The following TTBK1 variants were observed in gnomAD, a reference collection of about 807,000 sequenced individuals.
The protein encoded by TTBK1 is tau tubulin kinase 1.
TTBK1 carries 34 observed loss-of-function variants against 108.5 expected under a neutral mutation model. That is an observed-to-expected ratio of 0.31 (90% CI 0.24 to 0.42). The LOEUF (loss-of-function observed/expected upper bound fraction) is 0.42. Among genes scored for constraint, TTBK1 ranks in the 10% least tolerant of loss-of-function variants. The pLI, the probability that TTBK1 is intolerant of heterozygous loss-of-function variation, is 1.00. For synonymous variants in TTBK1, 809 were observed against 795.1 expected, an observed-to-expected ratio of 1.02 and a Z score of -0.29; for missense variants, 1,539 against 1,826.0, an observed-to-expected ratio of 0.84 and a Z score of 2.86.
chr6:43,272,449 G>A (rs1365471113), intron 13 of TTBK1: 2 of 985,310 alleles, frequency 2.0e-6, no homozygotes, highest in Non-Finnish European at 2.4e-6. Flanking sequence ...CATTGAGAAG[G>A]CGGCTGAGTT....
At position 43,257,868 on chromosome 6, in the gene TTBK1, G is replaced by A; in HGVS notation, c.918G>A (p.Glu306=). ...SMKERGIAEN[E]AFDWEKAGTD... is the part of the protein sequence containing the mutation. ...AGGAGAGGGGCATTGCCGAGAATGA[G>A]GCCTTTGACTGGGAGAAGGCAGGCA... The change falls in exon 10 of 15, where the codon GAG becomes GAA. Residue 306 remains glutamate (E), a synonymous_variant. Coordinates refer to ENST00000259750, the MANE Select transcript of TTBK1 (RefSeq NM_032538.3). The surrounding 1 kb of genome is among the most constrained non-coding windows in gnomAD (Gnocchi z 4.5). 2 of 1,614,054 alleles carry A rather than the reference G, an allele frequency of 1.2e-6. No homozygotes were observed. The highest frequency in any genetic ancestry group is 8.5e-7 in the Non-Finnish European group (1 of 1,180,016).
rs117976886 is a variant in TTBK1 at position 43,249,956 on chromosome 6, G to C, written c.109-2783G>C. Reference sequence around the variant, plus strand: ...CGGGGCCTAGTCACTGTGTCTCATGGATAAGTCAGCCCTAGCTGTGGTGCA... The same window carrying C: ...CGGGGCCTAGTCACTGTGTCTCATGCATAAGTCAGCCCTAGCTGTGGTGCA... On this transcript the variant is annotated intron_variant, in intron 2 of 14. Transcript: ENST00000259750. 6.7e-4 allele frequency among the ~76,000 whole-genome samples: 101 copies of C among 150,502 alleles called. 1 individual carries two copies. In the East Asian group the frequency reaches 0.016, roughly 24 times the overall value.
chr6:43,267,902 T>A (rs1017380537), intron 13 of TTBK1, among the ~76,000 whole-genome samples: 9 of 152,116 alleles, frequency 5.9e-5, no homozygotes, highest in Admixed American at 5.2e-4. Context: ...GGGACAAAGA[T>A]GAATAAAGCT....
chr6:43,268,259 C>T (rs1350099198), intron 13 of TTBK1, among the ~76,000 whole-genome samples: 1 of 152,176 alleles, frequency 6.6e-6, no homozygotes, highest in African/African-American at 2.4e-5. Context: ...GGGCTTTGGG[C>T]AATGGTGGTG....
intron 12 of TTBK1, among the ~76,000 whole-genome samples, chr6:43,262,481 G>A (rs973121817): frequency 6.6e-6 from 1 of 152,200 alleles, no homozygotes; most frequent in African/African-American, 2.4e-5. Context: ...AGGAGAGAGC[G>A]TTCCTTGCAC....
rs572094719 is a variant in TTBK1, at chr6:43,276,484, G to C, written c.1987-6243G>C. ...ACGCACACGCGCGGCGCCGCCACGG[G>C]GGTGGGACACGGACACGCACCCACG... On this transcript the variant is annotated intron_variant, in intron 13 of 14. Transcript: ENST00000259750. The surrounding 1 kb of genome is among the most constrained non-coding windows in gnomAD (Gnocchi z 5.4). Among the ~76,000 whole-genome samples, 11 of 152,266 alleles carry C rather than the reference G, an allele frequency of 7.2e-5. No individual in the cohort carries two copies. The South Asian group carries it at 2.1e-3, about 29-fold the overall frequency.
At chr6:43,252,287 T>C (rs1389402249) in intron 2 of TTBK1, among the ~76,000 whole-genome samples, 2 of 148,822 alleles carry the variant, frequency 1.3e-5, no homozygotes, top group Non-Finnish European at 3.0e-5. Context: ...GGGGTGCTGA[T>C]GGGGTGGGGC....
Position 43,257,420 on chromosome 6 carries a change from G to T in TTBK1, c.862-392G>T, listed in dbSNP as rs112639716. On this transcript the variant is annotated intron_variant, in intron 9 of 14. Transcript: ENST00000259750. This position sits in a 1 kb window ranked among gnomAD's most constrained non-coding sequence, Gnocchi z 4.5. The stretch of plus-strand genomic sequence containing the variant: ...AAGAGAAGGGAAGCTGCAGAGAGGA[G>T]AGGATGAGTGGGAGGGGCGCCCCAG... 6.6e-4 allele frequency among the ~76,000 whole-genome samples: 101 copies of T among 152,314 alleles called. 1 individual carries two copies. Among genetic ancestry groups the T allele is most frequent in the Middle Eastern group, 3.4e-3 (1 of 294 alleles).
At chr6:43,254,968 A>G in intron 6 of TTBK1, 81 bp from the exon 7 acceptor site, 1 of 1,374,214 alleles carries the variant, frequency 7.3e-7, no homozygotes, top group Non-Finnish European at 1.0e-6. Context: ...CAGGGTGAAG[A>G]GTTAGACTTG....
intron 2 of TTBK1, among the ~76,000 whole-genome samples, chr6:43,248,411 C>T (rs756613754): frequency 6.6e-5 from 10 of 152,066 alleles, no homozygotes; most frequent in Non-Finnish European, 1.5e-4. Flanking sequence ...GTCAGTGGCA[C>T]TAGATGTGGC....
At position 43,284,085 on chromosome 6, in the gene TTBK1, GGAGCAGCGCCGTGCCTCTGAGA is replaced by G; in HGVS notation, c.3346_3367del (p.Glu1116ProfsTer260). The G allele has an allele frequency of 6.5e-7, 1 of 1,538,946 alleles. No individual in the cohort carries two copies. Among genetic ancestry groups the G allele is most frequent in the South Asian group, 1.2e-5 (1 of 84,624 alleles). ...CAGGGGCCTCGTCCTCCTCCAGTGAGGAGCAGCGCCGTGCCTCTGAGACCCTCTCAGGCACGGGCTCTGAGGA... is the reference window on the plus strand; with the variant it reads ...CAGGGGCCTCGTCCTCCTCCAGTGAGCCCTCTCAGGCACGGGCTCTGAGGA... On this transcript the variant is annotated frameshift_variant, in exon 14 of 15. Transcript: ENST00000259750. LOFTEE classifies it high-confidence loss of function.
At chr6:43,277,170 G>A (rs1046778411) in intron 13 of TTBK1, among the ~76,000 whole-genome samples, 21 of 152,286 alleles carry the variant, frequency 1.4e-4, no homozygotes, top group Non-Finnish European at 2.2e-4. Flanking sequence ...CCTCTGCTAC[G>A]ATGGGCAATC....
chr6:43,266,492 G>A lies in TTBK1; in HGVS notation c.1986+3142G>A, dbSNP rs148528924. Among the ~76,000 whole-genome samples, 958 of 152,326 alleles carry A rather than the reference G, an allele frequency of 6.3e-3. 6 individuals are homozygous for A. The highest frequency in any genetic ancestry group is 0.021 in the African/African-American group (879 of 41,582). On this transcript the variant is annotated intron_variant, in intron 13 of 14. Transcript: ENST00000259750. ...TTAAAAGTAAGAAAACTAAGACTCA[G>A]AGAAGCAAAGTTTTTAGCTCAGCTG...
rs1778343928 is a variant in TTBK1, at chr6:43,285,322, C to T, written c.3912C>T (p.Arg1304=). 4 of 1,293,550 alleles carry T rather than the reference C, an allele frequency of 3.1e-6. No homozygotes were observed. Among genetic ancestry groups the T allele is most frequent in the Non-Finnish European group, 3.9e-6 (4 of 1,026,040 alleles). 80.1% of individuals were successfully genotyped at this position (1,293,550 alleles called of 1,614,324 possible). ...CCAGAGGGAAACTCCAGGCTCAGCG[C>T]GCAACAACCAAAGGCCGGGCAGGAG... ...KGPRGKLQAQ[R]ATTKGRAGGA... Residue 1304 remains arginine, a synonymous_variant, in exon 15 of 15, where the codon CGC becomes CGT. Coordinates refer to ENST00000259750, the MANE Select transcript of TTBK1 (RefSeq NM_032538.3). This position sits in a 1 kb window ranked among gnomAD's most constrained non-coding sequence, Gnocchi z 4.7.
At position 43,259,782 on chromosome 6, in the gene TTBK1, T is replaced by C; in HGVS notation, c.1424+76T>C. 7.1e-7 allele frequency: 1 copy of C among 1,404,526 alleles called. No homozygotes were observed. Among genetic ancestry groups the C allele is most frequent in the Non-Finnish European group, 9.5e-7 (1 of 1,057,238 alleles). 87.0% of individuals were successfully genotyped at this position (1,404,526 alleles called of 1,614,324 possible). On this transcript the variant is annotated intron_variant, in intron 12 of 14. Coordinates refer to ENST00000259750, the MANE Select transcript of TTBK1 (RefSeq NM_032538.3). The surrounding 1 kb of genome is among the most constrained non-coding windows in gnomAD (Gnocchi z 6.7). Reference sequence around the variant, plus strand: ...CACGTGGCTGGTCTGGAGGAAAAGTTAGATGTGTGGCGGAGGTGGGCAGAC... The same window carrying C: ...CACGTGGCTGGTCTGGAGGAAAAGTCAGATGTGTGGCGGAGGTGGGCAGAC...
chr6:43,269,668 A>T lies in TTBK1; in HGVS notation c.1986+6318A>T, dbSNP rs954218485. On this transcript the variant is annotated intron_variant, in intron 13 of 14. Transcript: ENST00000259750. The surrounding 1 kb of genome is among the most constrained non-coding windows in gnomAD (Gnocchi z 4.8). ...TTGGAGGAGGACAGACTCTCGGGGCACTCCCTCCCGCGGTACAGCCCCCTG... is the reference window on the plus strand; with the variant it reads ...TTGGAGGAGGACAGACTCTCGGGGCTCTCCCTCCCGCGGTACAGCCCCCTG... 1.2e-6 allele frequency: 2 copies of T among 1,609,494 alleles called. No homozygotes were observed. The highest frequency in any genetic ancestry group is 2.7e-5 in the African/African-American group (2 of 74,558).
Position 43,259,297 on chromosome 6 carries a change from G to A in TTBK1, c.1248+28G>A, listed in dbSNP as rs763225899. The A allele has an allele frequency of 1.3e-6, 2 of 1,519,742 alleles. No individual in the cohort carries two copies. The highest frequency in any genetic ancestry group is 1.8e-6 in the Non-Finnish European group (2 of 1,129,840). 94.1% of individuals were successfully genotyped at this position (1,519,742 alleles called of 1,614,324 possible). ...AACTGCCGCCAGGGCGAAGGGCGTG[G>A]GTGGCCTTTTCTCTCACCCCCGATT... is the stretch of plus-strand genomic sequence containing the variant. On this transcript the variant is annotated intron_variant, in intron 11 of 14. Transcript: ENST00000259750. The surrounding 1 kb of genome is among the most constrained non-coding windows in gnomAD (Gnocchi z 6.7).
rs1429985245 is a variant in TTBK1 at position 43,257,020 on chromosome 6, C to G, written c.862-792C>G. ...TGTTCTGCCTGGGATCCACTACACG[C>G]CAGGCACGATGCTGCATACTGTAGG... is the stretch of plus-strand genomic sequence containing the variant. On this transcript the variant is annotated intron_variant, in intron 9 of 14. Transcript: ENST00000259750. This position sits in a 1 kb window ranked among gnomAD's most constrained non-coding sequence, Gnocchi z 4.5. Among the ~76,000 whole-genome samples, 1 of 152,138 alleles carries G rather than the reference C, an allele frequency of 6.6e-6. No individual in the cohort carries two copies. Among genetic ancestry groups the G allele is most frequent in the Non-Finnish European group, 1.5e-5 (1 of 68,012 alleles).
Position 43,259,178 on chromosome 6 carries a change from C to G in TTBK1, c.1157C>G (p.Pro386Arg), listed in dbSNP as rs2150691330. The change falls in exon 11 of 15, where the codon CCC becomes CGC. Residue 386 changes from proline to arginine, a missense_variant. Pro to Arg is a moderately radical substitution (Grantham distance 103). Transcript: ENST00000259750. The surrounding 1 kb of genome is among the most constrained non-coding windows in gnomAD (Gnocchi z 6.7). ...GRPSEGLGPS[P>R]HLVPHPGGPE... ...CCCTCTGAGGGGCTGGGCCCCAGTCCCCACCTTGTCCCCCACCCCGGGGGT... is the reference window on the plus strand; with the variant it reads ...CCCTCTGAGGGGCTGGGCCCCAGTCGCCACCTTGTCCCCCACCCCGGGGGT... 3 of 1,610,466 alleles carry G rather than the reference C, an allele frequency of 1.9e-6. No homozygotes were observed. In the East Asian group the frequency reaches 6.7e-5, roughly 36 times the overall value.
Sources: gnomAD v4.1 joint callset for allele counts (sites outside exome capture counted in the v4.1 genomes callset) on GRCh38, gnomAD v4.1.1 for gene constraint, Gnocchi (gnomAD v3.1) non-coding constraint, MANE v1.5 for transcripts, NCBI Gene and HGNC (gene_info 2026-07-23, HGNC 2026-07-21) for gene names.